Variants in SEMA6D observed in about 807,000 individuals in gnomAD.
The protein encoded by SEMA6D is semaphorin 6D, also known as semaphorin-6D.
In SEMA6D, 35 loss-of-function variants were observed where a neutral mutation model predicts 106.6. That is an observed-to-expected ratio of 0.33 (90% CI 0.25 to 0.44). The LOEUF (loss-of-function observed/expected upper bound fraction) is 0.44. Among genes scored for constraint, SEMA6D ranks in the 20% least tolerant of loss-of-function variants. SEMA6D has a pLI of 1.00. For synonymous variants in SEMA6D, 499 were observed against 487.7 expected (o/e 1.02, Z -0.31); for missense variants, 1,185 against 1,345.9 (o/e 0.88, Z 1.87).
intron 1 of SEMA6D, among the ~76,000 whole-genome samples, chr15:47,341,346 C>T (rs1368427334): frequency 2.6e-5 from 4 of 152,124 alleles, no homozygotes; most frequent in African/African-American, 4.8e-5. Flanking sequence ...GCTGAGATTG[C>T]GCCACTGCAC....
intron 11 of SEMA6D, 91 bp from the exon 12 acceptor site, chr15:47,764,547 C>G (rs2082235490): frequency 6.5e-7 from 1 of 1,544,266 alleles, no homozygotes; most frequent in South Asian, 1.3e-5. Context: ...CACTTGACCT[C>G]TTCTCTGAGA....
chr15:47,258,859 A>T lies in SEMA6D; in HGVS notation c.-239+74441A>T, dbSNP rs145553503. 3.3e-3 allele frequency among the ~76,000 whole-genome samples: 499 copies of T among 151,974 alleles called. 3 individuals are homozygous for T. The highest frequency in any genetic ancestry group is 0.011 in the African/African-American group (474 of 41,456). On this transcript the variant is annotated intron_variant, in intron 1 of 19. Transcript: ENST00000558014. ...TATATATTTTTATATTTTTGACAAC[A>T]TTTTATTATTTGTTTTCTGCTTGTT...
At chr15:47,300,630 A>G (rs1343578808) in intron 1 of SEMA6D, among the ~76,000 whole-genome samples, 1 of 152,084 alleles carries the variant, frequency 6.6e-6, no homozygotes, top group Non-Finnish European at 1.5e-5. Context: ...CCATTCTGGT[A>G]CTCATAGGTT....
rs368444171 is a variant in SEMA6D, at chr15:47,710,354, A to G, written c.-54-49391A>G. 9.2e-4 allele frequency among the ~76,000 whole-genome samples: 140 copies of G among 152,296 alleles called. 1 individual carries two copies. Among genetic ancestry groups the G allele is most frequent in the African/African-American group, 3.1e-3 (129 of 41,566 alleles). On this transcript the variant is annotated intron_variant, in intron 4 of 19. Transcript: ENST00000558014. ...TCAGAAAACAAATTTTTGAGTTAAC[A>G]TATTTAATAGTATGCCTTGAAACTG... is the stretch of plus-strand genomic sequence containing the variant.
chr15:47,232,902 G>A (rs921456806), intron 1 of SEMA6D, among the ~76,000 whole-genome samples: 1 of 151,814 alleles, frequency 6.6e-6, no homozygotes, highest in Non-Finnish European at 1.5e-5. Context: ...CTTTCATAGT[G>A]TTCTTGGATA....
intron 4 of SEMA6D, among the ~76,000 whole-genome samples, chr15:47,682,389 G>T (rs183545600): frequency 6.6e-6 from 1 of 152,042 alleles, no homozygotes; most frequent in Admixed American, 6.5e-5. Context: ...GGGTGGTGTC[G>T]ATCTCCTGAC....
intron 1 of SEMA6D, among the ~76,000 whole-genome samples, chr15:47,300,086 G>T (rs1566981957): frequency 6.6e-6 from 1 of 152,192 alleles, no homozygotes; most frequent in African/African-American, 2.4e-5. Context: ...TGATTAATCT[G>T]AGCAAACTTG....
intron 1 of SEMA6D, among the ~76,000 whole-genome samples, chr15:47,268,756 T>C (rs1241849490): frequency 3.3e-5 from 5 of 152,198 alleles, no homozygotes; most frequent in African/African-American, 9.6e-5. Context: ...CTTTCTTTTC[T>C]TAATACTAAT....
At chr15:47,454,603 A>ACG (rs748227372) in intron 2 of SEMA6D, among the ~76,000 whole-genome samples, 1 of 76,610 alleles carries the variant, frequency 1.3e-5, no homozygotes, top group African/African-American at 4.0e-5. Flanking sequence ...ACATGTGCAC[A>ACG]CACACACACA....
chr15:47,239,528 T>G (rs2032772452), intron 1 of SEMA6D, among the ~76,000 whole-genome samples: 1 of 152,162 alleles, frequency 6.6e-6, no homozygotes, highest in African/African-American at 2.4e-5. Context: ...GCTTCCCATA[T>G]TATTCTAAAG....
Position 47,208,003 on chromosome 15 carries a change from A to G in SEMA6D, c.-239+23585A>G, listed in dbSNP as rs1184023598. 3.3e-3 allele frequency among the ~76,000 whole-genome samples: 245 copies of G among 73,350 alleles called. 1 individual carries two copies. Among genetic ancestry groups the G allele is most frequent in the African/African-American group, 4.8e-3 (76 of 15,712 alleles). The allele number at this position is 73,350 out of a possible 152,430, so 48.1% of individuals were successfully genotyped here. The stretch of plus-strand genomic sequence containing the variant: ...GCCACTGGCGCGCGCGCACACACAC[A>G]CACACACACACACACACACACACAC... On this transcript the variant is annotated intron_variant, in intron 1 of 19. Coordinates refer to the SEMA6D transcript ENST00000558014.
At chr15:47,316,839 G>A (rs1349670639) in intron 1 of SEMA6D, among the ~76,000 whole-genome samples, 1 of 152,034 alleles carries the variant, frequency 6.6e-6, no homozygotes, top group East Asian at 1.9e-4. Context: ...TGAAGTTTTT[G>A]CATTCATGTT....
Position 47,365,890 on chromosome 15 carries a change from G to GAGAGAGAGAGA in SEMA6D, c.-238-46503_-238-46502insAGAGAGAGAGA, listed in dbSNP as rs1346586280. 4.8e-3 allele frequency among the ~76,000 whole-genome samples: 575 copies of GAGAGAGAGAGA among 119,466 alleles called. 3 individuals carry two copies. The highest frequency in any genetic ancestry group is 8.1e-3 in the Middle Eastern group (2 of 246). The allele number at this position is 119,466 out of a possible 152,430, so 78.4% of individuals were successfully genotyped here. A position where few individuals can be genotyped will look rare whatever the true frequency, so the allele number is the denominator to read the frequency against. ...AAAGAAAGAAAGAGAGAGAGAGAGA[G>GAGAGAGAGAGA]GAGAGAGAGAGAGAGAGAGAGAGAG... On this transcript the variant is annotated intron_variant, in intron 1 of 19. Transcript: ENST00000558014.
At chr15:47,463,665 T>A (rs1596062402) in intron 2 of SEMA6D, among the ~76,000 whole-genome samples, 2 of 152,270 alleles carry the variant, frequency 1.3e-5, no homozygotes, top group African/African-American at 4.8e-5. Context: ...AACATGTCTT[T>A]TGTAGTTTAC....
intron 3 of SEMA6D, among the ~76,000 whole-genome samples, chr15:47,586,907 T>TTTC (rs1555394431): frequency 6.6e-6 from 1 of 151,020 alleles, no homozygotes; most frequent in East Asian, 1.9e-4. Flanking sequence ...TTTTTTTTTT[T>TTTC]ACAAGACCTG....
chr15:47,454,232 T>C (rs1416793699), intron 2 of SEMA6D, among the ~76,000 whole-genome samples: 1 of 152,022 alleles, frequency 6.6e-6, no homozygotes, highest in African/African-American at 2.4e-5. Flanking sequence ...TAAAAATTTA[T>C]GGTTTAGTTT....
rs370072554 is a variant in SEMA6D at position 47,337,534 on chromosome 15, G to T, written c.-238-74859G>T. On this transcript the variant is annotated intron_variant, in intron 1 of 19. Transcript: ENST00000558014. ...CTATTTAAAAAAAACAGAATATATT[G>T]CATGGATTTGGATGGCCGATCATCA... Among the ~76,000 whole-genome samples the T allele has an allele frequency of 2.0e-5, 3 of 152,086 alleles. No individual in the cohort carries two copies. The East Asian group carries it at 5.8e-4, about 29-fold the overall frequency.
At chr15:47,680,103 C>A (rs1473859529) in intron 4 of SEMA6D, among the ~76,000 whole-genome samples, 1 of 152,122 alleles carries the variant, frequency 6.6e-6, no homozygotes, top group African/African-American at 2.4e-5. Flanking sequence ...TGTAAATAGG[C>A]CCCTGTGCTG....
At position 47,431,219 on chromosome 15, in the gene SEMA6D, G is replaced by A. The variant is rs1166949714; in HGVS notation, c.-159+18747G>A. On this transcript the variant is annotated intron_variant, in intron 2 of 19. Coordinates refer to the SEMA6D transcript ENST00000558014. ...AATGTGAGTCTTAAGATTTCTCTTT[G>A]TAATATTTGATTTAAGGGACTTTTA... is the stretch of plus-strand genomic sequence containing the variant. Among the ~76,000 whole-genome samples the A allele has an allele frequency of 2.6e-5, 4 of 152,078 alleles. No individual in the cohort carries two copies. In the East Asian group the frequency reaches 5.8e-4, roughly 22 times the overall value.
Sources: gnomAD v4.1 joint callset for allele counts (sites outside exome capture counted in the v4.1 genomes callset) on GRCh38, gnomAD v4.1.1 for gene constraint, MANE v1.5 for transcripts, NCBI Gene and HGNC (gene_info 2026-07-23, HGNC 2026-07-21) for gene names.